FBRSL1: variants seen among roughly 807,000 people sequenced by gnomAD.
FBRSL1 encodes fibrosin like 1, also known as fibrosin-1-like protein.
FBRSL1 carries 51 observed loss-of-function variants against 89.6 expected under a neutral mutation model. That is an observed-to-expected ratio of 0.57 (90% confidence interval 0.45 to 0.72). FBRSL1 has a LOEUF of 0.72. FBRSL1 is among the 30% of genes least tolerant of loss of function. FBRSL1 has a pLI of 0.00. For missense variants in FBRSL1, 1,618 were observed against 1,451.8 expected (o/e 1.11, Z -1.86); for synonymous variants, 779 against 681.1 (o/e 1.14, Z -2.24).
chr12:132,549,802 G>A (rs1013478827), intron 5 of FBRSL1, among the ~76,000 whole-genome samples: 10 of 152,214 alleles, frequency 6.6e-5, no homozygotes, highest in Admixed American at 2.0e-4. Flanking sequence ...AGACCCAAAC[G>A]ATGTCTGTGC....
chr12:132,549,679 G>A (rs779456474), intron 5 of FBRSL1, among the ~76,000 whole-genome samples: 60 of 152,220 alleles, frequency 3.9e-4, no homozygotes, highest in African/African-American at 1.3e-3. Flanking sequence ...GCCACCTGTG[G>A]CCCCGGAGGC....
At chr12:132,582,791 C>G (rs2040868844) in intron 18 of FBRSL1, among the ~76,000 whole-genome samples, 180 bp from the exon 19 acceptor site, 2 of 152,210 alleles carry the variant, frequency 1.3e-5, no homozygotes, top group South Asian at 4.1e-4. Context: ...TCCAGGCCGC[C>G]CAGCGGGGAG....
intron 2 of FBRSL1, among the ~76,000 whole-genome samples, chr12:132,512,501 C>A (rs2034454146): frequency 6.6e-6 from 1 of 152,232 alleles, no homozygotes; most frequent in African/African-American, 2.4e-5. Flanking sequence ...ATCTCAGAGT[C>A]ACCCACACAA....
intron 5 of FBRSL1, among the ~76,000 whole-genome samples, chr12:132,555,958 A>G (rs746528314): frequency 6.6e-6 from 1 of 152,034 alleles, no homozygotes; most frequent in Non-Finnish European, 1.5e-5. Flanking sequence ...GCTGCCATCC[A>G]GGGCCTCGGG....
At position 132,519,582 on chromosome 12, in the gene FBRSL1, C is replaced by T. The variant is rs1376161803; in HGVS notation, c.490-6152C>T. 5.3e-5 allele frequency among the ~76,000 whole-genome samples: 8 copies of T among 152,246 alleles called. 1 individual carries two copies. Among genetic ancestry groups the T allele is most frequent in the Non-Finnish European group, 1.2e-4 (8 of 68,042 alleles). ...AGGTGCTGCCTTCAGCTCAATGTGA[C>T]TCCAGCCTGAGCTTCGAGCTGTGGG... On this transcript the variant is annotated intron_variant, in intron 2 of 18. Coordinates refer to ENST00000680143, the MANE Select transcript of FBRSL1 (RefSeq NM_001367871.1).
chr12:132,497,925 C>T (rs567510984), intron 1 of FBRSL1, among the ~76,000 whole-genome samples: 87 of 152,316 alleles, frequency 5.7e-4, no homozygotes, highest in African/African-American at 1.9e-3. Context: ...AGAGACCCCT[C>T]GGGCCTGGTG....
At chr12:132,524,748 C>T (rs576289419) in intron 2 of FBRSL1, among the ~76,000 whole-genome samples, 10 of 152,302 alleles carry the variant, frequency 6.6e-5, no homozygotes, top group South Asian at 2.1e-4. Flanking sequence ...TGAGTCTGGG[C>T]GCTGGCTGTG....
chr12:132,582,320 C>A (rs1213428635), intron 18 of FBRSL1, 54 bp downstream of exon 18: 2 of 1,425,876 alleles, frequency 1.4e-6, no homozygotes, highest in Non-Finnish European at 9.4e-7. Context: ...CCCGTTCTTT[C>A]CCCCCTCCCG....
At chr12:132,502,519 G>A (rs941465649) in intron 1 of FBRSL1, among the ~76,000 whole-genome samples, 1 of 152,146 alleles carries the variant, frequency 6.6e-6, no homozygotes, top group Non-Finnish European at 1.5e-5. Context: ...GGCCTGGCAC[G>A]TGACAGTGGC....
intron 14 of FBRSL1, among the ~76,000 whole-genome samples, chr12:132,575,899 C>T (rs549601763): frequency 5.8e-4 from 89 of 152,360 alleles, no homozygotes; most frequent in African/African-American, 1.9e-3. Flanking sequence ...GCAGAGGCAG[C>T]GCAGTCACCA....
intron 5 of FBRSL1, chr12:132,551,343 G>A (rs1223634747): frequency 2.2e-6 from 1 of 447,050 alleles, no homozygotes; most frequent in Non-Finnish European, 4.6e-6. Flanking sequence ...GCTCCCGGTG[G>A]GCAGAAGATG....
At chr12:132,551,990 G>A (rs1030276911) in intron 5 of FBRSL1, 31 of 268,584 alleles carry the variant, frequency 1.2e-4, no homozygotes, top group Admixed American at 8.6e-4. Flanking sequence ...CCCCAGTGCC[G>A]GGCCTCAGCC....
intron 4 of FBRSL1, among the ~76,000 whole-genome samples, chr12:132,542,227 G>A (rs1032098449): frequency 2.0e-5 from 3 of 152,222 alleles, no homozygotes; most frequent in South Asian, 2.1e-4. Flanking sequence ...TCGTATCCCC[G>A]GGCACCTGGG....
chr12:132,510,350 C>T, intron 2 of FBRSL1: 2 of 1,231,680 alleles, frequency 1.6e-6, no homozygotes, highest in Non-Finnish European at 2.0e-6. Flanking sequence ...CGCTCCTGGC[C>T]CTGGGCCATC....
intron 14 of FBRSL1, 135 bp downstream of exon 14, chr12:132,574,699 C>T (rs2040265424): frequency 8.6e-7 from 1 of 1,166,618 alleles, no homozygotes. Flanking sequence ...AGCCGCCTGC[C>T]CCTTCCTCTG....
At chr12:132,500,052 G>A (rs1164215438) in intron 1 of FBRSL1, among the ~76,000 whole-genome samples, 4 of 152,248 alleles carry the variant, frequency 2.6e-5, no homozygotes, top group East Asian at 1.9e-4. Context: ...TACCATGTAC[G>A]TGCACCCGGG....
In FBRSL1 at chr12:132,575,418, G is replaced by A. The variant is rs928099248; in HGVS notation, c.1701+854G>A. The stretch of plus-strand genomic sequence containing the variant: ...AATTTTTTGTATTTTTTGTAGAGAC[G>A]GGGTTTCACCATGTTGGCCAGGATG... On this transcript the variant is annotated intron_variant, in intron 14 of 18. Coordinates refer to ENST00000680143, the MANE Select transcript of FBRSL1 (RefSeq NM_001367871.1). Among the ~76,000 whole-genome samples, 3 of 152,172 alleles carry A rather than the reference G, an allele frequency of 2.0e-5. No individual in the cohort carries two copies. The East Asian group carries it at 5.8e-4, about 29-fold the overall frequency.
At position 132,582,960 on chromosome 12, in the gene FBRSL1, G is replaced by A; in HGVS notation, c.2202-11G>A. The A allele has an allele frequency of 1.4e-6, 2 of 1,405,242 alleles. No homozygotes were observed. The highest frequency in any genetic ancestry group is 3.3e-5 in the Admixed American group (1 of 29,872). 87.0% of individuals were successfully genotyped at this position (1,405,242 alleles called of 1,614,324 possible). Reference sequence around the variant, plus strand: ...GTCTCGGGAGTGACGGGTCCGCCCTGCCGCCCCCAGGGACCTCCTGGAGAA... The same window carrying A: ...GTCTCGGGAGTGACGGGTCCGCCCTACCGCCCCCAGGGACCTCCTGGAGAA... On this transcript the variant is annotated splice_polypyrimidine_tract_variant and intron_variant, in intron 18 of 18. Transcript: ENST00000680143.
chr12:132,539,058 A>C (rs997612994), intron 4 of FBRSL1, among the ~76,000 whole-genome samples: 1 of 151,718 alleles, frequency 6.6e-6, no homozygotes, highest in African/African-American at 2.4e-5. Context: ...CTCAGTCCTC[A>C]GTTTCCCCAT....
Sources: allele counts gnomAD v4.1 joint callset (sites outside exome capture counted in the v4.1 genomes callset), GRCh38; gene constraint gnomAD v4.1.1; transcripts MANE v1.5; gene names NCBI Gene and HGNC (gene_info 2026-07-23, HGNC 2026-07-21).